LRP1B: variants seen among roughly 807,000 people sequenced by gnomAD.
The protein encoded by LRP1B is low-density lipoprotein receptor-related protein 1B.
In LRP1B, 217 loss-of-function variants were observed where a neutral mutation model predicts 556.6. The ratio of observed to expected loss-of-function variants is 0.39; its 90% CI spans 0.35 to 0.44. The LOEUF is 0.44. LRP1B is among the 20% of genes least tolerant of loss of function. LRP1B has a pLI of 1.00. For missense variants in LRP1B, 5,053 were observed against 5,620.8 expected, an observed-to-expected ratio of 0.90 and a Z score of 3.23; for synonymous variants, 2,047 against 1,865.8, an observed-to-expected ratio of 1.10 and a Z score of -2.50.
chr2:141,839,257 A>C (rs1244402835), intron 1 of LRP1B, among the ~76,000 whole-genome samples: 1 of 152,194 alleles, frequency 6.6e-6, no homozygotes, highest in Non-Finnish European at 1.5e-5. Context: ...TTACTGCTAC[A>C]CATGTACCTT....
At chr2:141,437,009 A>G (rs181057006) in intron 3 of LRP1B, among the ~76,000 whole-genome samples, 374 of 152,170 alleles carry the variant, frequency 2.5e-3, no homozygotes, top group Non-Finnish European at 1.5e-3. Flanking sequence ...AGCAGTTGCT[A>G]ACTCCCATTA....
chr2:141,455,071 T>G (rs1312403243), intron 3 of LRP1B, among the ~76,000 whole-genome samples: 2 of 152,174 alleles, frequency 1.3e-5, no homozygotes, highest in African/African-American at 4.8e-5. Context: ...ATTATGGTAT[T>G]GTAATTGCCA....
intron 1 of LRP1B, among the ~76,000 whole-genome samples, chr2:141,944,490 G>A (rs192175121): frequency 1.5e-4 from 23 of 152,118 alleles, no homozygotes; most frequent in Middle Eastern, 6.8e-3. Context: ...CAGAAAACAC[G>A]TCCCAAATGG....
Position 140,444,759 on chromosome 2 carries a change from A to G in LRP1B, c.10058-80T>C, listed in dbSNP as rs982798409. 30 of 798,442 alleles carry G rather than the reference A, an allele frequency of 3.8e-5. No homozygotes were observed. In the African/African-American group the frequency reaches 3.8e-4, roughly 10 times the overall value. 49.5% of individuals were successfully genotyped at this position (798,442 alleles called of 1,614,324 possible). A position where few individuals can be genotyped will look rare whatever the true frequency, so the allele number is the denominator to read the frequency against. On this transcript the variant is annotated intron_variant, in intron 63 of 90. Transcript: ENST00000389484. ...AAACATAGAGTTTCTGACATTCAAG[A>G]TATTTACTATAATAAATATATCCTG...
intron 35 of LRP1B, among the ~76,000 whole-genome samples, chr2:140,734,805 T>C (rs1687892231): frequency 6.6e-6 from 1 of 152,156 alleles, no homozygotes. Flanking sequence ...ACAGGCAACA[T>C]TGGCTTGATA....
At chr2:141,588,835 C>T (rs928587063) in intron 2 of LRP1B, among the ~76,000 whole-genome samples, 5 of 152,066 alleles carry the variant, frequency 3.3e-5, no homozygotes, top group African/African-American at 1.2e-4. Flanking sequence ...GGTTATTTTT[C>T]TGAAAGTGGA....
intron 3 of LRP1B, among the ~76,000 whole-genome samples, chr2:141,392,480 A>AAGAG (rs1553507609): frequency 3.0e-5 from 4 of 134,478 alleles, no homozygotes; most frequent in African/African-American, 9.1e-5. Context: ...AAAAAAAAAA[A>AAGAG]AGAGAGACTG....
intron 3 of LRP1B, among the ~76,000 whole-genome samples, chr2:141,456,219 AT>A (rs200806319): frequency 8.6e-5 from 13 of 151,328 alleles, no homozygotes; most frequent in Admixed American, 4.0e-4. Flanking sequence ...TTGCAAATGT[AT>A]TTTTTTTTCT....
intron 43 of LRP1B, among the ~76,000 whole-genome samples, chr2:140,555,639 T>C (rs1006136088): frequency 1.3e-5 from 2 of 152,132 alleles, no homozygotes; most frequent in Non-Finnish European, 2.9e-5. Context: ...TTTAAAATCT[T>C]AAATATTCTT....
At chr2:140,310,057 A>G (rs1355307855) in intron 83 of LRP1B, among the ~76,000 whole-genome samples, 2 of 151,630 alleles carry the variant, frequency 1.3e-5, no homozygotes, top group East Asian at 1.9e-4. Flanking sequence ...TGCATCATCA[A>G]CATTTTCTTC....
chr2:140,534,104 T>C lies in LRP1B; in HGVS notation c.7679A>G (p.Tyr2560Cys), dbSNP rs1690841790. Residue 2560 changes from tyrosine (Y) to cysteine (C), a missense_variant, in exon 47 of 91, where the codon TAT (tyrosine) becomes TGT (cysteine). Physicochemically the swap from Tyr to Cys is radical, Grantham distance 194 (BLOSUM62 -2). Coordinates refer to ENST00000389484, the MANE Select transcript of LRP1B (RefSeq NM_018557.3). Reference protein sequence around the residue: ...RSCRRGFKPCYNRRCIPHGKL... With the variant: ...RSCRRGFKPCCNRRCIPHGKL... ...GCCATGAGGAATGCAGCGGCGATTA[T>C]AGCATGGCTTGAAGCCTCTTCGACA... 1 of 1,613,362 alleles carries C rather than the reference T, an allele frequency of 6.2e-7. No individual in the cohort carries two copies. The highest frequency in any genetic ancestry group is 1.3e-5 in the African/African-American group (1 of 75,028).
rs71995663 is a variant in LRP1B, at chr2:141,010,951, GGTGTGTGTGTGTGTGT to G, written c.2380+2589_2380+2604del. 7.4e-4 allele frequency among the ~76,000 whole-genome samples: 107 copies of G among 144,664 alleles called. 4 individuals carry two copies. Among genetic ancestry groups the G allele is most frequent in the Non-Finnish European group, 3.6e-4 (24 of 65,854 alleles). 94.9% of individuals were successfully genotyped at this position (144,664 alleles called of 152,430 possible). A position where few individuals can be genotyped will look rare whatever the true frequency, so the allele number is the denominator to read the frequency against. ...ATTTTTCATGGTGGTCTTGTCAGAT[GGTGTGTGTGTGTGTGT>G]GTGTGTGTGTGTGTATTAATACTAT... On this transcript the variant is annotated intron_variant, in intron 14 of 90. Transcript: ENST00000389484.
chr2:140,358,893 A>G lies in LRP1B; in HGVS notation c.11185T>C (p.Cys3729Arg), dbSNP rs1682369988. The G allele has an allele frequency of 6.2e-7, 1 of 1,609,032 alleles. No individual in the cohort carries two copies. Among genetic ancestry groups the G allele is most frequent in the African/African-American group, 1.3e-5 (1 of 74,654 alleles). ...TTGCACATTTGCTCCGACTGTAGGC[A>G]TATTCTGTTATTTCTGCATCTGTGA... ...RPHRCRNNRI[C>R]LQSEQMCNGI... Residue 3729 changes from cysteine to arginine, a missense_variant, in exon 73 of 91, where the codon TGC (cysteine) becomes CGC (arginine). Around this residue, in one of 5 missense-constraint regions of LRP1B, gnomAD observed 599 missense variants for 648.4 expected, o/e 0.92. Transcript: ENST00000389484.
chr2:141,888,331 G>A (rs567851649), intron 1 of LRP1B, among the ~76,000 whole-genome samples: 1 of 152,302 alleles, frequency 6.6e-6, no homozygotes, highest in South Asian at 2.1e-4. Context: ...TGTGACCTGA[G>A]AAGTGTGAAG....
At chr2:140,811,142 T>G (rs551158689) in intron 32 of LRP1B, among the ~76,000 whole-genome samples, 1 of 152,268 alleles carries the variant, frequency 6.6e-6, no homozygotes, top group South Asian at 2.1e-4. Flanking sequence ...AGCAATTTAC[T>G]TGTTAAGAGA....
chr2:140,314,765 A>G (rs559188621), intron 83 of LRP1B, among the ~76,000 whole-genome samples, 170 bp downstream of exon 83: 6 of 152,264 alleles, frequency 3.9e-5, no homozygotes, highest in Admixed American at 6.6e-5. Context: ...TTGAACTTTT[A>G]TATACTGAAT....
chr2:141,414,127 C>G (rs948749916), intron 3 of LRP1B, among the ~76,000 whole-genome samples: 4 of 151,098 alleles, frequency 2.6e-5, no homozygotes, highest in Non-Finnish European at 4.4e-5. Flanking sequence ...GTCCCAGCTA[C>G]TCGGGAGACT....
chr2:141,554,278 G>A (rs1419503948), intron 2 of LRP1B, among the ~76,000 whole-genome samples: 1 of 143,804 alleles, frequency 7.0e-6, no homozygotes, highest in Non-Finnish European at 1.5e-5. Flanking sequence ...TATATCTATA[G>A]GAATAGACAT....
intron 15 of LRP1B, 59 bp downstream of exon 15, chr2:141,005,276 G>T (rs2105373383): frequency 6.4e-6 from 10 of 1,564,996 alleles, no homozygotes; most frequent in Non-Finnish European, 8.7e-6. Flanking sequence ...AGTTTCTTCT[G>T]CTTCTAGTCT....
Sources: gnomAD v4.1 joint callset for allele counts (sites outside exome capture counted in the v4.1 genomes callset) on GRCh38, gnomAD v4.1.1 for gene constraint, gnomAD v4.1.1 regional missense constraint, MANE v1.5 for transcripts, NCBI Gene and HGNC (gene_info 2026-07-23, HGNC 2026-07-21) for gene names.